MYH15: variants seen among roughly 807,000 people sequenced by gnomAD.
The protein encoded by MYH15 is myosin heavy chain 15.
In MYH15, 227 loss-of-function variants were observed where a neutral mutation model predicts 240.5. That is an observed-to-expected ratio of 0.94 (90% CI 0.85 to 1.05). MYH15 has a LOEUF of 1.05. MYH15 is among the 50% of genes least tolerant of loss of function. The pLI, the probability that MYH15 is intolerant of heterozygous loss-of-function variation, is 0.00. For missense variants in MYH15, 2,217 were observed against 2,247.5 expected, an observed-to-expected ratio of 0.99 and a Z score of 0.27; for synonymous variants, 785 against 796.7, an observed-to-expected ratio of 0.99 and a Z score of 0.25.
At chr3:108,427,975 T>C (rs1408355295) in intron 27 of MYH15, among the ~76,000 whole-genome samples, 1 of 152,208 alleles carries the variant, frequency 6.6e-6, no homozygotes, top group African/African-American at 2.4e-5. Flanking sequence ...TTGCAGCATA[T>C]AGGCTAATGG....
At chr3:108,417,503 A>C (rs1163019391) in intron 28 of MYH15, among the ~76,000 whole-genome samples, 1 of 152,164 alleles carries the variant, frequency 6.6e-6, no homozygotes, top group Admixed American at 6.5e-5. Context: ...TAAGATTCTT[A>C]ATGAAAACTA....
intron 28 of MYH15, among the ~76,000 whole-genome samples, chr3:108,417,826 C>T (rs201196069): frequency 2.1e-5 from 3 of 144,504 alleles, no homozygotes; most frequent in Non-Finnish European, 4.6e-5. Context: ...CACACACACA[C>T]ATATACACAC....
chr3:108,496,295 T>C (rs1273419959), intron 6 of MYH15, among the ~76,000 whole-genome samples: 2 of 152,370 alleles, frequency 1.3e-5, no homozygotes, highest in East Asian at 1.9e-4. Context: ...AGACTCTTGG[T>C]GTTATTAAAC....
intron 21 of MYH15, among the ~76,000 whole-genome samples, chr3:108,446,460 T>C (rs1025939654): frequency 1.3e-5 from 2 of 152,320 alleles, no homozygotes; most frequent in East Asian, 1.9e-4. Context: ...GAGGTTTTCC[T>C]GTTGAAGCCA....
At chr3:108,498,278 T>G in intron 5 of MYH15, 133 bp from the exon 6 acceptor site, 3 of 725,532 alleles carry the variant, frequency 4.1e-6, no homozygotes, top group Non-Finnish European at 7.0e-6. Flanking sequence ...AGATGGAACT[T>G]GAGGATATAT....
the MYH15 span, among the ~76,000 whole-genome samples, chr3:108,539,844 T>C: frequency 6.6e-6 from 1 of 152,162 alleles, no homozygotes. Context: ...ATTCCTAGAT[T>C]GTTTCACAGG....
chr3:108,409,481 T>A (rs1327796204), intron 31 of MYH15, among the ~76,000 whole-genome samples: 4 of 152,388 alleles, frequency 2.6e-5, no homozygotes, highest in African/African-American at 9.6e-5. Flanking sequence ...CCCAGCCATC[T>A]GTGCTTTAAC....
chr3:108,428,417 T>C, intron 27 of MYH15, 75 bp downstream of exon 27: 1 of 1,501,806 alleles, frequency 6.7e-7, no homozygotes, highest in Non-Finnish European at 8.9e-7. Flanking sequence ...TATTTTTCTT[T>C]TCCCTCCCCT....
At chr3:108,532,582 A>G (rs1407423932), upstream of MYH15, among the ~76,000 whole-genome samples, 1 of 152,140 alleles carries the variant, frequency 6.6e-6, no homozygotes, top group Non-Finnish European at 1.5e-5. Context: ...CTCAGCCTTC[A>G]TAATCATGTA....
chr3:108,523,465 A>G (rs1463962425), intron 1 of MYH15, among the ~76,000 whole-genome samples: 2 of 152,066 alleles, frequency 1.3e-5, no homozygotes, highest in Non-Finnish European at 2.9e-5. Context: ...TTCCAAAAAC[A>G]TTAAAGAATT....
At position 108,406,559 on chromosome 3, in the gene MYH15, T is replaced by TA. The variant is rs568406367; in HGVS notation, c.4621-1107dup. Among the ~76,000 whole-genome samples the TA allele has an allele frequency of 4.2e-4, 64 of 152,302 alleles. 2 individuals are homozygous for TA. In the South Asian group the frequency reaches 0.011, roughly 26 times the overall value. Reference sequence around the variant, plus strand: ...GAGGAAACTGTCACCTCTAACCCTCTAAAATGCACTGAGAAAGTGAATCTT... The same window carrying TA: ...GAGGAAACTGTCACCTCTAACCCTCTAAAAATGCACTGAGAAAGTGAATCTT... On this transcript the variant is annotated intron_variant, in intron 32 of 40. Coordinates refer to ENST00000693548, the MANE Select transcript of MYH15 (RefSeq NM_014981.3).
rs779771539 is a variant in MYH15 at position 108,441,034 on chromosome 3, C to T, written c.2882G>A (p.Arg961His). The change falls in exon 23 of 41, where the codon CGT becomes CAT. Residue 961 changes from arginine (R) to histidine (H), a missense_variant. Coordinates refer to ENST00000693548, the MANE Select transcript of MYH15 (RefSeq NM_014981.3). Reference protein sequence around the residue: ...TMLVKSEKEKRTTEHKVKNLT... With the variant: ...TMLVKSEKEKHTTEHKVKNLT... ...AAAAAGTACCTTGTGCTCTGTAGTA[C>T]GCTTCTCCTTCTCTGACTTCACCAA... 1.1e-5 allele frequency: 17 copies of T among 1,614,008 alleles called. No homozygotes were observed. The highest frequency in any genetic ancestry group is 1.4e-5 in the Non-Finnish European group (16 of 1,179,984).
At chr3:108,458,189 T>A (rs893845970) in intron 18 of MYH15, among the ~76,000 whole-genome samples, 4 of 152,206 alleles carry the variant, frequency 2.6e-5, no homozygotes, top group African/African-American at 9.7e-5. Flanking sequence ...CTTTGTCTTA[T>A]GACTTTAAGA....
At chr3:108,512,378 G>A (rs2083528155), upstream of MYH15, among the ~76,000 whole-genome samples, 2 of 152,176 alleles carry the variant, frequency 1.3e-5, 1 homozygote, top group South Asian at 4.1e-4. Context: ...GCATATTCTG[G>A]GTAGATGAGG....
chr3:108,498,867 T>G (rs1560431164), intron 5 of MYH15, among the ~76,000 whole-genome samples: 1 of 152,196 alleles, frequency 6.6e-6, no homozygotes, highest in Non-Finnish European at 1.5e-5. Flanking sequence ...CTTTAGCACT[T>G]CACAGCCCCT....
chr3:108,441,879 A>G (rs2082887549), intron 22 of MYH15, among the ~76,000 whole-genome samples: 1 of 152,196 alleles, frequency 6.6e-6, no homozygotes, highest in African/African-American at 2.4e-5. Context: ...GGAGTTACAC[A>G]AAGAGCATGT....
At chr3:108,451,396 T>A (rs1278135821) in intron 21 of MYH15, among the ~76,000 whole-genome samples, 1 of 151,434 alleles carries the variant, frequency 6.6e-6, no homozygotes, top group Non-Finnish European at 1.5e-5. Context: ...TAAAATAAAA[T>A]AAAAAATAAA....
chr3:108,519,606 T>C (rs1381232547), intron 1 of MYH15, among the ~76,000 whole-genome samples: 6 of 152,202 alleles, frequency 3.9e-5, no homozygotes, highest in African/African-American at 1.2e-4. Context: ...TCGAGGGCTA[T>C]ACTTTTGTGC....
At position 108,510,069 on chromosome 3, in the gene MYH15, T is replaced by G. The variant is rs955866727; in HGVS notation, c.88+374A>C. Among the ~76,000 whole-genome samples, 7 of 152,296 alleles carry G rather than the reference T, an allele frequency of 4.6e-5. No homozygotes were observed. In the East Asian group the frequency reaches 1.4e-3, roughly 29 times the overall value. On this transcript the variant is annotated intron_variant, in intron 1 of 40. Transcript: ENST00000693548. ...AATGTACAAACCCCACCCACCAGTC[T>G]AAGTCACAGGCCCCTCTCTCTACTG... is the stretch of plus-strand genomic sequence containing the variant.
Sources: allele counts gnomAD v4.1 joint callset (sites outside exome capture counted in the v4.1 genomes callset), GRCh38; gene constraint gnomAD v4.1.1; transcripts MANE v1.5; gene names NCBI Gene and HGNC (gene_info 2026-07-23, HGNC 2026-07-21).